Variants in SEPTIN14 observed in about 807,000 individuals in gnomAD.
SEPTIN14 encodes the protein septin 14, also known as septin-14.
In SEPTIN14, 40 loss-of-function variants were observed where a neutral mutation model predicts 53.6. The ratio of observed to expected loss-of-function variants is 0.75; its 90% CI spans 0.58 to 0.97. The LOEUF is 0.97. SEPTIN14 is among the 50% of genes least tolerant of loss of function. The pLI, the probability that SEPTIN14 is intolerant of heterozygous loss-of-function variation, is 0.00. For synonymous variants in SEPTIN14, 138 were observed against 166.8 expected (o/e 0.83, Z 1.33); for missense variants, 471 against 508.2 (o/e 0.93, Z 0.70).
rs770369634 is a variant in SEPTIN14, at chr7:55,846,516, C to T, written c.175+1G>A. 5 of 1,580,130 alleles carry T rather than the reference C, an allele frequency of 3.2e-6. No homozygotes were observed. Among genetic ancestry groups the T allele is most frequent in the African/African-American group, 1.4e-5 (1 of 73,140 alleles). On this transcript the variant is annotated splice_donor_variant, in intron 3 of 9. Transcript: ENST00000388975. LOFTEE classifies it high-confidence loss of function. ...ATTCAAATGAGGTGTTTGACACTTA[C>T]CCACACAGAGAATATTAAAAGTGAA...
chr7:55,798,703 G>C (rs552114437), intron 9 of SEPTIN14: 1 of 255,056 alleles, frequency 3.9e-6, no homozygotes, highest in Non-Finnish European at 8.0e-6. Flanking sequence ...AGGACAACTG[G>C]ACCGTCAGCC....
intron 5 of SEPTIN14, among the ~76,000 whole-genome samples, chr7:55,838,630 T>G (rs1329731834): frequency 6.6e-6 from 1 of 151,120 alleles, no homozygotes. Flanking sequence ...AGGCTGGAAT[T>G]GCAGTGACAT....
chr7:55,847,470 C>T (rs1789435055), intron 2 of SEPTIN14, among the ~76,000 whole-genome samples: 1 of 152,148 alleles, frequency 6.6e-6, no homozygotes, highest in South Asian at 2.1e-4. Flanking sequence ...ATTTAACACA[C>T]ATAACAAAAC....
In SEPTIN14 at chr7:55,842,892, A is replaced by C. The variant is rs531161717; in HGVS notation, c.558+50T>G. 1.5e-5 allele frequency: 19 copies of C among 1,236,766 alleles called. 1 individual carries two copies. In the African/African-American group the frequency reaches 1.7e-4, roughly 11 times the overall value. 76.6% of individuals were successfully genotyped at this position (1,236,766 alleles called of 1,614,324 possible). The stretch of plus-strand genomic sequence containing the variant: ...CACTGCACTCCAGCCTGGGCGACAG[A>C]GGGAGACTCCGTCTCAAAAAAAAAA... On this transcript the variant is annotated intron_variant, in intron 5 of 9. Coordinates refer to ENST00000388975, the MANE Select transcript of SEPTIN14 (RefSeq NM_207366.3).
Position 55,829,228 on chromosome 7 carries a change from A to T in SEPTIN14, c.720+5197T>A, listed in dbSNP as rs140506425. On this transcript the variant is annotated intron_variant, in intron 6 of 9. Coordinates refer to ENST00000388975, the MANE Select transcript of SEPTIN14 (RefSeq NM_207366.3). ...ACCCCGTATCTACTAAAATACAAAA[A>T]ATCAGCTGTGCATGGTGGCAGGTGC... 3.9e-5 allele frequency among the ~76,000 whole-genome samples: 6 copies of T among 151,908 alleles called. No homozygotes were observed. In the East Asian group the frequency reaches 1.2e-3, roughly 29 times the overall value.
chr7:55,840,349 TGTG>T (rs1789287132), intron 5 of SEPTIN14, among the ~76,000 whole-genome samples: 1 of 150,920 alleles, frequency 6.6e-6, no homozygotes, highest in Non-Finnish European at 1.5e-5. Flanking sequence ...ATTAGCCGGG[TGTG>T]GTGGTGGGCG....
intron 7 of SEPTIN14, among the ~76,000 whole-genome samples, chr7:55,817,889 A>G (rs1788822577): frequency 6.6e-6 from 1 of 152,204 alleles, no homozygotes; most frequent in Admixed American, 6.6e-5. Context: ...TATGTATTTC[A>G]AAACATCATG....
intron 1 of SEPTIN14, among the ~76,000 whole-genome samples, chr7:55,862,219 A>G (rs1789761495): frequency 6.6e-6 from 1 of 152,202 alleles, no homozygotes; most frequent in Admixed American, 6.6e-5. Flanking sequence ...CTTATAATGT[A>G]GAGTAATACA....
intron 6 of SEPTIN14, among the ~76,000 whole-genome samples, chr7:55,822,259 C>A (rs1198632106): frequency 6.6e-6 from 1 of 152,118 alleles, no homozygotes; most frequent in East Asian, 1.9e-4. Flanking sequence ...CAGGGACTAT[C>A]TAAATAAATG....
At chr7:55,837,909 G>A (rs946911985) in intron 5 of SEPTIN14, among the ~76,000 whole-genome samples, 5 of 152,026 alleles carry the variant, frequency 3.3e-5, no homozygotes, top group East Asian at 1.9e-4. Flanking sequence ...CACAGAAAGC[G>A]CTAGACATTT....
At chr7:55,830,981 C>T (rs1035216224) in intron 6 of SEPTIN14, among the ~76,000 whole-genome samples, 1 of 152,066 alleles carries the variant, frequency 6.6e-6, no homozygotes, top group Admixed American at 6.6e-5. Context: ...ACAAAGACCA[C>T]ACTAACTAAA....
At chr7:55,837,291 A>AT (rs1193818775) in intron 5 of SEPTIN14, among the ~76,000 whole-genome samples, 20 of 151,276 alleles carry the variant, frequency 1.3e-4, no homozygotes, top group African/African-American at 4.4e-4. Context: ...ATTTTTTTGT[A>AT]TTTTTTGTAG....
chr7:55,842,997 G>C lies in SEPTIN14; in HGVS notation c.503C>G (p.Thr168Arg). 1 of 1,571,854 alleles carries C rather than the reference G, an allele frequency of 6.4e-7. No individual in the cohort carries two copies. Among genetic ancestry groups the C allele is most frequent in the South Asian group, 1.2e-5 (1 of 85,500 alleles). The change falls in exon 5 of 10, where the codon ACA becomes AGA. Residue 168 changes from threonine (T) to arginine (R), a missense_variant. Coordinates refer to ENST00000388975, the MANE Select transcript of SEPTIN14 (RefSeq NM_207366.3). ...VHVCLYFISP[T>R]GHSLKSLDLL... ...ATCAAGAGACTTCAGGGAATGTCCT[G>C]TAGGTGAAATGAAGTAAAGACACAC...
chr7:55,844,965 G>A (rs7783047), intron 3 of SEPTIN14, among the ~76,000 whole-genome samples: 117,307 of 151,298 alleles, frequency 0.78, 46,455 homozygotes, highest in East Asian at 0.96. Context: ...CAGGTTTGTT[G>A]TATCAGTAAA....
At chr7:55,804,674 T>C (rs1253922727) in intron 9 of SEPTIN14, among the ~76,000 whole-genome samples, 1 of 152,130 alleles carries the variant, frequency 6.6e-6, no homozygotes, top group African/African-American at 2.4e-5. Context: ...ATTTACCTAA[T>C]TAAACTAAAT....
At chr7:55,831,480 C>T (rs1330691384) in intron 6 of SEPTIN14, among the ~76,000 whole-genome samples, 8 of 152,058 alleles carry the variant, frequency 5.3e-5, no homozygotes, top group Non-Finnish European at 1.2e-4. Flanking sequence ...TAACTCAAGA[C>T]GTATTAATGA....
In SEPTIN14 at chr7:55,807,126, C is replaced by A. The variant is rs1217236080; in HGVS notation, c.950G>T (p.Gly317Val). The A allele has an allele frequency of 6.2e-7, 1 of 1,603,116 alleles. No homozygotes were observed. The change falls in exon 8 of 10, where the codon GGC becomes GTC. Residue 317 changes from glycine to valine, a missense_variant. By Grantham distance (109) the Gly-to-Val change is moderately radical. Coordinates refer to ENST00000388975, the MANE Select transcript of SEPTIN14 (RefSeq NM_207366.3). ...GTTGTTTGGACCCACATCTGTAAAGCCCATTTTCTGCAGTTTTTGGTACCT... is the reference window on the plus strand; with the variant it reads ...GTTGTTTGGACCCACATCTGTAAAGACCATTTTCTGCAGTTTTTGGTACCT... ...CYRYQKLQKM[G>V]FTDVGPNNQP...
chr7:55,813,044 G>T (rs1247890538), intron 7 of SEPTIN14, among the ~76,000 whole-genome samples: 1 of 151,976 alleles, frequency 6.6e-6, no homozygotes, highest in Non-Finnish European at 1.5e-5. Context: ...CCACTTCGCA[G>T]GTTCAAGTGA....
intron 2 of SEPTIN14, among the ~76,000 whole-genome samples, chr7:55,849,792 G>A (rs1789488174): frequency 6.6e-6 from 1 of 151,934 alleles, no homozygotes; most frequent in Non-Finnish European, 1.5e-5. Context: ...AACACAAATT[G>A]CTCATAGCAG....
Sources: allele counts gnomAD v4.1 joint callset (sites outside exome capture counted in the v4.1 genomes callset), GRCh38; gene constraint gnomAD v4.1.1; transcripts MANE v1.5; gene names NCBI Gene and HGNC (gene_info 2026-07-23, HGNC 2026-07-21).